EYS: variants seen among roughly 807,000 people sequenced by gnomAD.
EYS encodes protein eyes shut homolog.
In EYS, 250 loss-of-function variants were observed where a neutral mutation model predicts 282.1. The observed-to-expected ratio is 0.89, with a 90% CI of 0.80 to 0.98. The LOEUF (loss-of-function observed/expected upper bound fraction) is 0.98, where lower values mean the gene tolerates loss of function less well. EYS is among the 50% of genes least tolerant of loss of function. EYS has a pLI of 0.00. For missense variants in EYS, 4,016 were observed against 3,709.0 expected (o/e 1.08, Z -2.15); for synonymous variants, 1,355 against 1,282.9 (o/e 1.06, Z -1.20).
chr6:64,151,857 C>A (rs181076785), intron 31 of EYS, among the ~76,000 whole-genome samples: 1 of 152,154 alleles, frequency 6.6e-6, no homozygotes, highest in Admixed American at 6.5e-5. Flanking sequence ...TTATAGCAAG[C>A]AAATAGAAGA....
chr6:65,131,069 C>T (rs1775861976), intron 12 of EYS, among the ~76,000 whole-genome samples: 1 of 151,554 alleles, frequency 6.6e-6, no homozygotes, highest in Non-Finnish European at 1.5e-5. Context: ...TGGAGTACAA[C>T]ATGTTTTGGC....
At chr6:65,653,458 C>T (rs1292094519) in intron 1 of EYS, among the ~76,000 whole-genome samples, 3 of 151,748 alleles carry the variant, frequency 2.0e-5, no homozygotes, top group Non-Finnish European at 4.4e-5. Context: ...ATTTCAGAGC[C>T]CCATTAGGAT....
intron 22 of EYS, among the ~76,000 whole-genome samples, chr6:64,711,015 G>A (rs756566828): frequency 3.3e-5 from 5 of 152,088 alleles, no homozygotes; most frequent in African/African-American, 7.2e-5. Flanking sequence ...GAAAAATGCC[G>A]TACCGTAAGA....
At chr6:65,515,514 C>T (rs999689452) in intron 2 of EYS, among the ~76,000 whole-genome samples, 8 of 151,510 alleles carry the variant, frequency 5.3e-5, no homozygotes, top group Admixed American at 3.9e-4. Context: ...CGGCACTATT[C>T]ACAATAGCAA....
chr6:63,927,758 C>T lies in EYS; in HGVS notation c.7055+56625G>A, dbSNP rs147660461. The stretch of plus-strand genomic sequence containing the variant: ...GATGCTAGAAACAGAAGCCAGGCTT[C>T]TGAGACAGACGCTGGGCAGCGGATA... On this transcript the variant is annotated intron_variant, in intron 35 of 42. Coordinates refer to ENST00000503581, the MANE Select transcript of EYS (RefSeq NM_001142800.2). Among the ~76,000 whole-genome samples the T allele has an allele frequency of 2.6e-5, 4 of 152,342 alleles. No individual in the cohort carries two copies. The East Asian group carries it at 7.7e-4, about 29-fold the overall frequency.
intron 7 of EYS, among the ~76,000 whole-genome samples, chr6:65,395,755 A>G (rs1270610533): frequency 1.3e-5 from 2 of 152,170 alleles, no homozygotes; most frequent in Non-Finnish European, 2.9e-5. Flanking sequence ...TAGGGCATCC[A>G]TCACTTCAAG....
chr6:65,687,268 A>G (rs1769057691), intron 1 of EYS, among the ~76,000 whole-genome samples: 1 of 152,148 alleles, frequency 6.6e-6, no homozygotes, highest in Non-Finnish European at 1.5e-5. Flanking sequence ...ATGCAAGGTT[A>G]TATATGCAAG....
At chr6:64,585,167 G>C (rs1766195731) in intron 26 of EYS, among the ~76,000 whole-genome samples, 1 of 152,032 alleles carries the variant, frequency 6.6e-6, no homozygotes, top group Admixed American at 6.6e-5. Flanking sequence ...GTCCTTGGCA[G>C]CAATAGGGAT....
At chr6:64,797,421 C>A (rs184917593) in intron 22 of EYS, among the ~76,000 whole-genome samples, 4 of 152,106 alleles carry the variant, frequency 2.6e-5, no homozygotes, top group Admixed American at 2.6e-4. Flanking sequence ...TCCATGGACC[C>A]ATACGTTTGA....
At chr6:65,182,330 G>C (rs988745581) in intron 12 of EYS, among the ~76,000 whole-genome samples, 1 of 151,428 alleles carries the variant, frequency 6.6e-6, no homozygotes, top group African/African-American at 2.4e-5. Context: ...GGCTATTAAT[G>C]AAACTTTATT....
At chr6:64,662,349 G>A (rs2349508) in intron 22 of EYS, among the ~76,000 whole-genome samples, 97,198 of 151,824 alleles carry the variant, frequency 0.64, 31,332 homozygotes, top group African/African-American at 0.71. Context: ...TAACCTGCAC[G>A]TTGTGCACAT....
chr6:64,914,198 A>G (rs1023644317), intron 15 of EYS, among the ~76,000 whole-genome samples: 2 of 152,114 alleles, frequency 1.3e-5, no homozygotes, highest in African/African-American at 4.8e-5. Context: ...AAATGCAAAT[A>G]GAGAGATAGA....
intron 33 of EYS, among the ~76,000 whole-genome samples, chr6:64,024,123 G>C (rs565209871): frequency 1.3e-5 from 2 of 152,236 alleles, no homozygotes; most frequent in East Asian, 1.9e-4. Context: ...GAGTGCAGGC[G>C]CAGGGCGCAG....
chr6:64,751,039 A>G (rs1772730515), intron 22 of EYS, among the ~76,000 whole-genome samples: 2 of 151,700 alleles, frequency 1.3e-5, no homozygotes. Flanking sequence ...CTGTGTAGAG[A>G]ACTTGATGCA....
At chr6:63,818,258 C>T (rs1771232863) in intron 36 of EYS, among the ~76,000 whole-genome samples, 1 of 152,150 alleles carries the variant, frequency 6.6e-6, no homozygotes. Context: ...CAGTATATAA[C>T]AACTGTCATT....
At chr6:63,930,068 T>C (rs1404719997) in intron 35 of EYS, among the ~76,000 whole-genome samples, 2 of 152,196 alleles carry the variant, frequency 1.3e-5, no homozygotes, top group African/African-American at 4.8e-5. Flanking sequence ...TCTGTCCTTA[T>C]TGCCAGCTTC....
chr6:65,588,513 T>G (rs563302232), intron 2 of EYS, among the ~76,000 whole-genome samples: 425 of 152,124 alleles, frequency 2.8e-3, no homozygotes, highest in Middle Eastern at 0.01. Flanking sequence ...TTTCCTTCAC[T>G]GATCTCTTTT....
At chr6:65,001,459 C>T (rs1449765713) in intron 13 of EYS, among the ~76,000 whole-genome samples, 1 of 147,524 alleles carries the variant, frequency 6.8e-6, no homozygotes, top group Non-Finnish European at 1.5e-5. Context: ...CGGAAGAGTC[C>T]GTTGGTCTGC....
intron 1 of EYS, among the ~76,000 whole-genome samples, chr6:65,694,281 ATAT>A (rs1562332882): frequency 1.0e-4 from 15 of 149,646 alleles, no homozygotes; most frequent in African/African-American, 3.4e-4. Context: ...AAATAAAAAA[ATAT>A]ATATATATGT....
Sources: allele counts gnomAD v4.1 joint callset (sites outside exome capture counted in the v4.1 genomes callset), GRCh38; gene constraint gnomAD v4.1.1; transcripts MANE v1.5; gene names NCBI Gene and HGNC (gene_info 2026-07-23, HGNC 2026-07-21).